The following FAT3 variants were observed in gnomAD, a reference collection of about 807,000 sequenced individuals.
FAT3 encodes protocadherin Fat 3.
In FAT3, 95 loss-of-function variants were observed where a neutral mutation model predicts 310.2. The observed-to-expected ratio is 0.31, with a 90% CI of 0.26 to 0.36. FAT3 has a LOEUF of 0.36. FAT3 is among the 10% of genes least tolerant of loss of function. FAT3 has a pLI of 1.00. For missense variants in FAT3, 5,408 were observed against 5,715.6 expected (o/e 0.95, Z 1.74); for synonymous variants, 2,314 against 2,192.9 (o/e 1.06, Z -1.54).
chr11:92,351,143 C>T (rs1948553797), intron 1 of FAT3, among the ~76,000 whole-genome samples: 1 of 152,062 alleles, frequency 6.6e-6, no homozygotes. Context: ...GTTTTTCTTG[C>T]AAGTAATCAC....
At chr11:92,378,495 T>C (rs1462427722) in intron 2 of FAT3, among the ~76,000 whole-genome samples, 1 of 152,180 alleles carries the variant, frequency 6.6e-6, no homozygotes, top group Admixed American at 6.5e-5. Context: ...GAAATGTAGG[T>C]TCATTTCAGA....
chr11:92,394,982 T>C (rs565584255), intron 2 of FAT3, among the ~76,000 whole-genome samples: 7 of 152,296 alleles, frequency 4.6e-5, no homozygotes, highest in African/African-American at 7.2e-5. Flanking sequence ...GCCACACCCA[T>C]TGGCTAGGAG....
chr11:92,236,873 A>C (rs1216224658), intron 1 of FAT3, among the ~76,000 whole-genome samples: 1 of 152,036 alleles, frequency 6.6e-6, no homozygotes, highest in Non-Finnish European at 1.5e-5. Flanking sequence ...CATGCCTTTT[A>C]GTTTTGTGTG....
chr11:92,735,559 T>C (rs1945318003), intron 4 of FAT3, among the ~76,000 whole-genome samples: 2 of 55,420 alleles, frequency 3.6e-5, no homozygotes, highest in South Asian at 4.8e-4. Context: ...TGGATGAGCA[T>C]AGATAGATAG....
rs564846773 is a variant in FAT3, at chr11:92,884,762, T to C, written c.12937+1369T>C. On this transcript the variant is annotated intron_variant, in intron 24 of 27. Coordinates refer to ENST00000525166, the MANE Select transcript of FAT3 (RefSeq NM_001367949.2). Reference sequence around the variant, plus strand: ...CAAGTAAAGGGTTACCCGAGAGATGTCTGGCTCTGTTGTTCAGGTGAGAGG... The same window carrying C: ...CAAGTAAAGGGTTACCCGAGAGATGCCTGGCTCTGTTGTTCAGGTGAGAGG... 1.1e-3 allele frequency among the ~76,000 whole-genome samples: 166 copies of C among 152,276 alleles called. 1 individual carries two copies. The highest frequency in any genetic ancestry group is 2.3e-3 in the Admixed American group (35 of 15,302).
intron 2 of FAT3, among the ~76,000 whole-genome samples, chr11:92,444,046 A>G (rs1412943123): frequency 6.6e-6 from 1 of 152,186 alleles, no homozygotes. Context: ...TGAACTTCCA[A>G]TTCAAAGTCT....
At chr11:92,379,729 G>A (rs1027048611) in intron 2 of FAT3, among the ~76,000 whole-genome samples, 1 of 152,138 alleles carries the variant, frequency 6.6e-6, no homozygotes, top group Non-Finnish European at 1.5e-5. Context: ...TTAAGTACTA[G>A]GGTGAAAAAT....
chr11:92,455,468 G>C (rs1179689429), intron 2 of FAT3, among the ~76,000 whole-genome samples: 1 of 152,124 alleles, frequency 6.6e-6, no homozygotes, highest in African/African-American at 2.4e-5. Context: ...TGTTTTCCAG[G>C]CTGAAGCATG....
intron 3 of FAT3, among the ~76,000 whole-genome samples, chr11:92,682,467 C>T (rs1227353018): frequency 6.6e-6 from 1 of 152,204 alleles, no homozygotes; most frequent in Non-Finnish European, 1.5e-5. Flanking sequence ...TAAGTCACTG[C>T]TCCTAGCTGG....
chr11:92,871,566 T>C (rs1949393198), intron 22 of FAT3, among the ~76,000 whole-genome samples: 1 of 152,238 alleles, frequency 6.6e-6, no homozygotes, highest in African/African-American at 2.4e-5. Flanking sequence ...CAGCATCACC[T>C]AAGGACCTTG....
chr11:92,300,063 C>A (rs1455424229), intron 1 of FAT3, among the ~76,000 whole-genome samples: 3 of 152,126 alleles, frequency 2.0e-5, no homozygotes, highest in Non-Finnish European at 4.4e-5. Context: ...ATGAGTAAGT[C>A]TCCTGTTGTC....
At chr11:92,887,811 C>T (rs1949831283) in intron 25 of FAT3, among the ~76,000 whole-genome samples, 3 of 152,056 alleles carry the variant, frequency 2.0e-5, no homozygotes, top group African/African-American at 7.2e-5. Flanking sequence ...TTGTTCTCCC[C>T]AGGGCAGGGG....
intron 1 of FAT3, among the ~76,000 whole-genome samples, chr11:92,265,779 C>A (rs765199712): frequency 6.6e-6 from 1 of 151,966 alleles, no homozygotes; most frequent in Admixed American, 6.6e-5. Context: ...CTCTCTGGTG[C>A]CTCTTTTGTA....
At chr11:92,761,072 A>G (rs1421047823) in intron 4 of FAT3, among the ~76,000 whole-genome samples, 4 of 152,244 alleles carry the variant, frequency 2.6e-5, no homozygotes, top group South Asian at 2.1e-4. Context: ...TAAAAATCAA[A>G]TCTTAACATG....
In FAT3 at chr11:92,616,458, G is replaced by A. The variant is rs539476671; in HGVS notation, c.3608-80926G>A. Among the ~76,000 whole-genome samples, 8 of 152,186 alleles carry A rather than the reference G, an allele frequency of 5.3e-5. No homozygotes were observed. In the South Asian group the frequency reaches 1.7e-3, roughly 32 times the overall value. ...TTTGCCAGTCTGTGTCCTTTAATTG[G>A]AGCATTTAGCCCATTTACATTTAAG... On this transcript the variant is annotated intron_variant, in intron 3 of 27. Transcript: ENST00000525166.
chr11:92,818,617 TC>T (rs1184157455), intron 13 of FAT3, among the ~76,000 whole-genome samples: 1 of 152,164 alleles, frequency 6.6e-6, no homozygotes, highest in African/African-American at 2.4e-5. Flanking sequence ...ACTGGATTGA[TC>T]AAGAGCTCAC....
intron 3 of FAT3, among the ~76,000 whole-genome samples, chr11:92,670,842 C>T (rs1288081550): frequency 6.6e-6 from 1 of 152,192 alleles, no homozygotes; most frequent in Non-Finnish European, 1.5e-5. Flanking sequence ...AGCTTATTCA[C>T]AGGCTAGGGG....
intron 2 of FAT3, among the ~76,000 whole-genome samples, chr11:92,392,127 T>C (rs1286640662): frequency 6.6e-6 from 1 of 152,108 alleles, no homozygotes; most frequent in Non-Finnish European, 1.5e-5. Flanking sequence ...CATTTACTCA[T>C]TGGCCAGTTC....
chr11:92,813,939 G>C (rs1947750679), intron 13 of FAT3, among the ~76,000 whole-genome samples: 1 of 152,198 alleles, frequency 6.6e-6, no homozygotes, highest in Non-Finnish European at 1.5e-5. Flanking sequence ...CATATTAAGA[G>C]ATGCATCCTT....
Sources: allele counts gnomAD v4.1 joint callset (sites outside exome capture counted in the v4.1 genomes callset), GRCh38; gene constraint gnomAD v4.1.1; transcripts MANE v1.5; gene names NCBI Gene and HGNC (gene_info 2026-07-23, HGNC 2026-07-21).